The following MYO9A variants were observed in gnomAD, a reference collection of about 807,000 sequenced individuals.
The protein encoded by MYO9A is unconventional myosin-IXa.
MYO9A carries 103 observed loss-of-function variants against 293.3 expected under a neutral mutation model. The ratio of observed to expected loss-of-function variants is 0.35; its 90% CI spans 0.30 to 0.41. The LOEUF is 0.41. Ranked by LOEUF, MYO9A falls within the 10% of genes least tolerant of loss-of-function variation. MYO9A has a pLI of 1.00. For missense variants in MYO9A, 2,685 were observed against 3,033.0 expected (o/e 0.89, Z 2.69); for synonymous variants, 1,001 against 1,035.7 (o/e 0.97, Z 0.64).
intron 34 of MYO9A, among the ~76,000 whole-genome samples, chr15:71,856,698 TC>T (rs1252537793): frequency 6.6e-6 from 1 of 152,230 alleles, no homozygotes; most frequent in African/African-American, 2.4e-5. Flanking sequence ...CAGCTCTTAA[TC>T]CTTAGAGTAT....
intron 1 of MYO9A, among the ~76,000 whole-genome samples, chr15:72,077,883 C>T (rs2150315645): frequency 6.6e-6 from 1 of 150,990 alleles, no homozygotes; most frequent in East Asian, 2.0e-4. Context: ...AACAGACATC[C>T]CACCAAAGAA....
intron 6 of MYO9A, among the ~76,000 whole-genome samples, chr15:72,016,977 T>C (rs752854485): frequency 5.3e-5 from 8 of 151,808 alleles, no homozygotes; most frequent in Non-Finnish European, 8.8e-5. Flanking sequence ...CAGCCAATAT[T>C]TATGTTAGGT....
intron 8 of MYO9A, among the ~76,000 whole-genome samples, chr15:72,003,439 G>A (rs1190534362): frequency 1.3e-5 from 2 of 152,048 alleles, no homozygotes; most frequent in African/African-American, 2.4e-5. Context: ...GCCCACGCCT[G>A]TAACCCCAGC....
chr15:71,998,578 TTTA>T (rs1305908287), intron 9 of MYO9A, among the ~76,000 whole-genome samples: 2 of 151,452 alleles, frequency 1.3e-5, no homozygotes, highest in Non-Finnish European at 2.9e-5. Flanking sequence ...TTTTTTTCTT[TTTA>T]TTATTATTAT....
intron 1 of MYO9A, among the ~76,000 whole-genome samples, chr15:72,075,235 G>C (rs993675097): frequency 6.6e-6 from 1 of 151,558 alleles, no homozygotes; most frequent in Non-Finnish European, 1.5e-5. Context: ...CAAAGTGCTG[G>C]GATTACAGGC....
At position 72,094,226 on chromosome 15, in the gene MYO9A, A is replaced by C. The variant is rs1211234287; in HGVS notation, c.-72+23454T>G. On this transcript the variant is annotated intron_variant, in intron 1 of 41. Transcript: ENST00000356056. ...CTTGTCAAAAGAAGAAAGAAGAAAG[A>C]GGAAGGAGGAAGAAGAAAGAAGGAA... Among the ~76,000 whole-genome samples the C allele has an allele frequency of 2.3e-5, 2 of 88,630 alleles. 1 individual carries two copies. Among genetic ancestry groups the C allele is most frequent in the Non-Finnish European group, 6.8e-5 (2 of 29,294 alleles). 58.1% of individuals were successfully genotyped at this position (88,630 alleles called of 152,430 possible). A position where few individuals can be genotyped will look rare whatever the true frequency, so the allele number is the denominator to read the frequency against.
At chr15:72,035,689 C>T (rs1175695798) in intron 2 of MYO9A, among the ~76,000 whole-genome samples, 2 of 152,166 alleles carry the variant, frequency 1.3e-5, no homozygotes, top group African/African-American at 4.8e-5. Context: ...CCTGTAATCT[C>T]AGCTAATCTG....
chr15:71,991,017 T>C, intron 11 of MYO9A, 86 bp downstream of exon 11: 1 of 1,205,204 alleles, frequency 8.3e-7, no homozygotes, highest in East Asian at 2.7e-5. Flanking sequence ...CAATAAAATG[T>C]GTGAAAAAAT....
chr15:71,908,637 G>A (rs1345298016), intron 19 of MYO9A, among the ~76,000 whole-genome samples: 3 of 152,002 alleles, frequency 2.0e-5, no homozygotes, highest in African/African-American at 7.3e-5. Flanking sequence ...AGCAGTTTTA[G>A]GTTCACAGCA....
chr15:71,847,131 ACCAAAGAAGAAAC>A (rs2055421862), intron 39 of MYO9A, among the ~76,000 whole-genome samples: 1 of 152,252 alleles, frequency 6.6e-6, no homozygotes, highest in African/African-American at 2.4e-5. Context: ...TAATGATTCA[ACCAAAGAAGAAAC>A]CCAAAAGGAG....
intron 37 of MYO9A, among the ~76,000 whole-genome samples, chr15:71,850,682 C>T (rs1403996060): frequency 1.4e-5 from 2 of 140,818 alleles, no homozygotes; most frequent in African/African-American, 5.3e-5. Flanking sequence ...AGGAGAATCA[C>T]TTGAACCGGG....
chr15:71,935,210 G>T, intron 17 of MYO9A, 131 bp downstream of exon 17: 2 of 983,224 alleles, frequency 2.0e-6, no homozygotes, highest in Non-Finnish European at 1.5e-6. Flanking sequence ...TTTGAGTCTT[G>T]TTTCAGTCAA....
At chr15:71,954,260 G>C (rs1442366545) in intron 14 of MYO9A, among the ~76,000 whole-genome samples, 1 of 152,016 alleles carries the variant, frequency 6.6e-6, no homozygotes, top group African/African-American at 2.4e-5. Context: ...GAGTGCAGTG[G>C]TGCGATCTCC....
At chr15:71,927,668 A>G (rs557466631) in intron 18 of MYO9A, among the ~76,000 whole-genome samples, 34 of 152,226 alleles carry the variant, frequency 2.2e-4, no homozygotes, top group Middle Eastern at 6.8e-3. Flanking sequence ...TCCCCCTGAT[A>G]TGGATGACTG....
intron 38 of MYO9A, 117 bp downstream of exon 38, chr15:71,849,919 A>G (rs2055561020): frequency 1.1e-5 from 15 of 1,321,388 alleles, no homozygotes; most frequent in Admixed American, 2.0e-5. Flanking sequence ...GTGTCCAACA[A>G]TCTTCTTAAA....
In MYO9A at chr15:71,978,176, T is replaced by C. The variant is rs778696471; in HGVS notation, c.1839A>G (p.Glu613=). 6 of 1,611,904 alleles carry C rather than the reference T, an allele frequency of 3.7e-6. No homozygotes were observed. The South Asian group carries it at 6.7e-5, about 18-fold the overall frequency. ...TTGAAAAGAATCACACTCACTTGCT[T>C]TCTTCATCCAAAAGATGAAGCAGTC... ...PTGLLHLLDE[E]SNFPQATNQT... Residue 613 remains glutamate, a synonymous_variant, in exon 12 of 42, where the codon GAA becomes GAG. Transcript: ENST00000356056.
At chr15:71,948,653 A>T (rs1299531261) in intron 15 of MYO9A, among the ~76,000 whole-genome samples, 1 of 152,146 alleles carries the variant, frequency 6.6e-6, no homozygotes, top group African/African-American at 2.4e-5. Flanking sequence ...GCCAACCCCT[A>T]CTATAGACCC....
intron 12 of MYO9A, among the ~76,000 whole-genome samples, chr15:71,970,892 C>T (rs770188475): frequency 2.6e-5 from 4 of 152,074 alleles, no homozygotes; most frequent in African/African-American, 4.8e-5. Flanking sequence ...GGCGCAGTGG[C>T]TCACACCTGT....
chr15:72,066,829 C>T (rs1354994605), intron 1 of MYO9A, among the ~76,000 whole-genome samples: 1 of 151,714 alleles, frequency 6.6e-6, no homozygotes, highest in South Asian at 2.1e-4. Context: ...GCTGAGGTTG[C>T]ACCATTGCTC....
Sources: gnomAD v4.1 joint callset for allele counts (sites outside exome capture counted in the v4.1 genomes callset) on GRCh38, gnomAD v4.1.1 for gene constraint, MANE v1.5 for transcripts, NCBI Gene and HGNC (gene_info 2026-07-23, HGNC 2026-07-21) for gene names.